The following ZNF804A variants were observed in gnomAD, a reference collection of about 807,000 sequenced individuals.
ZNF804A encodes zinc finger protein 804A.
ZNF804A carries 2 observed loss-of-function variants against 16.5 expected under a neutral mutation model. That is an observed-to-expected ratio of 0.12 (90% CI 0.05 to 0.38). The LOEUF (loss-of-function observed/expected upper bound fraction) is 0.38. Ranked by LOEUF, ZNF804A falls within the 10% of genes least tolerant of loss-of-function variation. The probability of loss-of-function intolerance (pLI) is 0.99; values close to 1 mark genes in which losing one functional copy is unlikely to be tolerated. For missense variants in ZNF804A, 1,473 were observed against 1,390.7 expected (o/e 1.06, Z -0.94); for synonymous variants, 534 against 489.6 (o/e 1.09, Z -1.20).
At chr2:184,925,398 C>T (rs1194958236) in intron 2 of ZNF804A, among the ~76,000 whole-genome samples, 2 of 151,880 alleles carry the variant, frequency 1.3e-5, no homozygotes, top group East Asian at 1.9e-4. Context: ...CTTTTCCCAT[C>T]CTTTCATTTT....
Position 184,690,840 on chromosome 2 carries a change from AC to A in ZNF804A, c.111+91771del, listed in dbSNP as rs571870011. Among the ~76,000 whole-genome samples the A allele has an allele frequency of 4.6e-5, 7 of 152,156 alleles. 1 individual carries two copies. The South Asian group carries it at 1.5e-3, about 32-fold the overall frequency. ...CACTCTTGTATTCTGTTTTGTATTTACTTATATAACTATACATGTTAGACCA... is the reference window on the plus strand; with the variant it reads ...CACTCTTGTATTCTGTTTTGTATTTATTATATAACTATACATGTTAGACCA... On this transcript the variant is annotated intron_variant, in intron 1 of 3. Transcript: ENST00000302277.
At chr2:184,911,836 A>C (rs1685364498) in intron 2 of ZNF804A, among the ~76,000 whole-genome samples, 1 of 151,644 alleles carries the variant, frequency 6.6e-6, no homozygotes, top group Non-Finnish European at 1.5e-5. Flanking sequence ...TCTGCATTTT[A>C]TTTCTTTCTC....
chr2:184,925,947 C>T (rs1297501787), intron 2 of ZNF804A, among the ~76,000 whole-genome samples: 1 of 151,882 alleles, frequency 6.6e-6, no homozygotes, highest in Non-Finnish European at 1.5e-5. Context: ...TGGAGTCTCG[C>T]TCTATCTTAT....
chr2:184,640,977 T>C (rs942565506), intron 1 of ZNF804A, among the ~76,000 whole-genome samples: 2 of 152,286 alleles, frequency 1.3e-5, no homozygotes, highest in Admixed American at 6.5e-5. Flanking sequence ...TACCCTGATA[T>C]AGAGTCTTGC....
chr2:184,693,703 C>A (rs890733401), intron 1 of ZNF804A, among the ~76,000 whole-genome samples: 1 of 151,874 alleles, frequency 6.6e-6, no homozygotes, highest in Non-Finnish European at 1.5e-5. Context: ...TTATTTTTTT[C>A]TTTATTTTGT....
chr2:184,868,658 C>T (rs1179230813), intron 2 of ZNF804A, among the ~76,000 whole-genome samples: 3 of 151,940 alleles, frequency 2.0e-5, no homozygotes, highest in Admixed American at 6.6e-5. Context: ...ATACAAGTGA[C>T]CCTGTGACAA....
intron 2 of ZNF804A, among the ~76,000 whole-genome samples, chr2:184,924,609 C>A (rs77340032): frequency 0.019 from 2,824 of 150,314 alleles, 68 homozygotes; most frequent in African/African-American, 0.065. Context: ...TTGGGTATGG[C>A]TTGCTTTTGT....
intron 1 of ZNF804A, among the ~76,000 whole-genome samples, chr2:184,634,543 G>A (rs1036109726): frequency 3.3e-5 from 5 of 152,066 alleles, no homozygotes; most frequent in Non-Finnish European, 7.4e-5. Flanking sequence ...CAGAAGCAGA[G>A]GGGTGAGGAG....
intron 2 of ZNF804A, among the ~76,000 whole-genome samples, chr2:184,870,380 T>G (rs1695956965): frequency 6.6e-6 from 1 of 152,068 alleles, no homozygotes; most frequent in African/African-American, 2.4e-5. Flanking sequence ...GTTCTAATTC[T>G]TAAACTAGAT....
intron 1 of ZNF804A, among the ~76,000 whole-genome samples, chr2:184,763,113 C>A (rs1385294271): frequency 2.6e-5 from 4 of 152,110 alleles, no homozygotes; most frequent in African/African-American, 9.7e-5. Flanking sequence ...GATCTCAATT[C>A]TCATGGCCAC....
chr2:184,910,032 G>A (rs1200783598), intron 2 of ZNF804A, among the ~76,000 whole-genome samples: 3 of 151,930 alleles, frequency 2.0e-5, no homozygotes, highest in African/African-American at 2.4e-5. Context: ...GGGGGTAGAT[G>A]TATTTAGATT....
chr2:184,802,816 T>C (rs1223981469), intron 1 of ZNF804A, among the ~76,000 whole-genome samples: 1 of 152,224 alleles, frequency 6.6e-6, no homozygotes. Context: ...TCCAAATAAA[T>C]TACATTTCTT....
chr2:184,729,310 A>T (rs1693473882), intron 1 of ZNF804A, among the ~76,000 whole-genome samples: 2 of 151,874 alleles, frequency 1.3e-5, no homozygotes, highest in African/African-American at 4.8e-5. Context: ...TTTACTTGTC[A>T]ATTAAAATAA....
At chr2:184,773,421 C>T (rs1407781711) in intron 1 of ZNF804A, among the ~76,000 whole-genome samples, 2 of 151,826 alleles carry the variant, frequency 1.3e-5, no homozygotes, top group Non-Finnish European at 1.5e-5. Context: ...AGCAAGAGAA[C>T]AAACCTGCTA....
intron 1 of ZNF804A, among the ~76,000 whole-genome samples, chr2:184,722,658 C>G (rs1443224192): frequency 6.6e-6 from 1 of 151,906 alleles, no homozygotes; most frequent in Non-Finnish European, 1.5e-5. Flanking sequence ...GATACGTGTT[C>G]AACAATGAAA....
At chr2:184,781,138 T>C (rs1260172811) in intron 1 of ZNF804A, among the ~76,000 whole-genome samples, 3 of 151,788 alleles carry the variant, frequency 2.0e-5, no homozygotes, top group Admixed American at 6.6e-5. Flanking sequence ...ATACACATTG[T>C]ATTTCTTCCA....
At chr2:184,737,597 T>C (rs535877037) in intron 1 of ZNF804A, among the ~76,000 whole-genome samples, 12 of 152,176 alleles carry the variant, frequency 7.9e-5, no homozygotes, top group Admixed American at 2.0e-4. Context: ...ACCTATTTAC[T>C]TGATTTTAAT....
At chr2:184,845,367 C>T (rs917451346) in intron 1 of ZNF804A, among the ~76,000 whole-genome samples, 15 of 152,126 alleles carry the variant, frequency 9.9e-5, no homozygotes, top group African/African-American at 3.1e-4. Context: ...ATGTCTCTAT[C>T]TCTCAGTGCT....
At chr2:184,872,157 A>G (rs1041488216) in intron 2 of ZNF804A, among the ~76,000 whole-genome samples, 1 of 152,188 alleles carries the variant, frequency 6.6e-6, no homozygotes, top group African/African-American at 2.4e-5. Context: ...TAGTAAATAT[A>G]TATGAAAATC....
Sources: gnomAD v4.1 joint callset for allele counts (sites outside exome capture counted in the v4.1 genomes callset) on GRCh38, gnomAD v4.1.1 for gene constraint, MANE v1.5 for transcripts, NCBI Gene and HGNC (gene_info 2026-07-23, HGNC 2026-07-21) for gene names.